The following ATP9B variants were observed in gnomAD, a reference collection of about 807,000 sequenced individuals.
The protein encoded by ATP9B is ATPase phospholipid transporting 9B, also known as probable phospholipid-transporting ATPase IIB.
In ATP9B, 110 loss-of-function variants were observed where a neutral mutation model predicts 146.1. The ratio of observed to expected loss-of-function variants is 0.75; its 90% confidence interval spans 0.65 to 0.88. The LOEUF (loss-of-function observed/expected upper bound fraction) is 0.88. Among genes scored for constraint, ATP9B ranks in the 40% least tolerant of loss-of-function variants. ATP9B has a pLI of 0.00. For missense variants in ATP9B, 1,499 were observed against 1,496.4 expected (o/e 1.00, Z -0.03); for synonymous variants, 604 against 569.7 (o/e 1.06, Z -0.86).
At chr18:79,071,190 A>G (rs2071726530) in intron 1 of ATP9B, among the ~76,000 whole-genome samples, 3 of 151,206 alleles carry the variant, frequency 2.0e-5, no homozygotes, top group Admixed American at 6.6e-5. Context: ...ACTTATCACC[A>G]TGGTGTATTG....
chr18:79,131,515 A>G (rs1472141728), intron 5 of ATP9B, among the ~76,000 whole-genome samples: 1 of 152,220 alleles, frequency 6.6e-6, no homozygotes, highest in Non-Finnish European at 1.5e-5. Flanking sequence ...TTTAAAATAT[A>G]GAATATCGAG....
intron 5 of ATP9B, among the ~76,000 whole-genome samples, chr18:79,134,775 A>G (rs1049022681): frequency 1.3e-5 from 2 of 152,208 alleles, no homozygotes; most frequent in African/African-American, 4.8e-5. Flanking sequence ...CATGTAGCAA[A>G]TGTTTTTACC....
rs2096874325 is a variant in ATP9B, at chr18:79,344,323, G to A, written c.2441G>A (p.Cys814Tyr). The A allele has an allele frequency of 6.2e-7, 1 of 1,614,234 alleles. No homozygotes were observed. Among genetic ancestry groups the A allele is most frequent in the Non-Finnish European group, 8.5e-7 (1 of 1,180,040 alleles). Residue 814 changes from cysteine to tyrosine, a missense_variant, in exon 21 of 30, where the codon TGT becomes TAT. Physicochemically the swap from Cys to Tyr is radical, Grantham distance 194 (BLOSUM62 -2). Transcript: ENST00000426216. Reference sequence around the variant, plus strand: ...AATGCATTTCGAAGGAAGCATGATTGTGCACTAGTCATATCTGGGGACTCT... The same window carrying A: ...AATGCATTTCGAAGGAAGCATGATTATGCACTAGTCATATCTGGGGACTCT... ...ELNAFRRKHD[C>Y]ALVISGDSLE...
At chr18:79,318,740 T>G (rs2096697170) in intron 15 of ATP9B, among the ~76,000 whole-genome samples, 4 of 152,234 alleles carry the variant, frequency 2.6e-5, no homozygotes, top group Admixed American at 2.6e-4. Context: ...ATGTTTTAAG[T>G]GCTTTGTCTT....
chr18:79,200,788 T>TGTCG (rs2095477239), intron 9 of ATP9B, among the ~76,000 whole-genome samples: 3 of 35,452 alleles, frequency 8.5e-5, no homozygotes, highest in Admixed American at 4.9e-4. Context: ...GAAGTAGTGG[T>TGTCG]GGAATTGTTT....
rs200608167 is a variant in ATP9B at position 79,337,441 on chromosome 18, G to A, written c.2275G>A (p.Gly759Arg). The A allele has an allele frequency of 2.7e-5, 43 of 1,610,438 alleles. 1 individual carries two copies. Among genetic ancestry groups the A allele is most frequent in the Middle Eastern group, 1.7e-4 (1 of 6,056 alleles). The part of the protein sequence containing the change: ...RPTLEMLRNA[G>R]IKIWMLTGDK... ...CACGCTGGAGATGCTGCGCAACGCC[G>A]GGATCAAGGTACTGCAGGCTCACCT... is the stretch of plus-strand genomic sequence containing the variant. Residue 759 changes from glycine to arginine, a missense_variant, in exon 19 of 30, where the codon GGG (glycine) becomes AGG (arginine). By Grantham distance (125) the Gly-to-Arg change is moderately radical. Transcript: ENST00000426216.
At chr18:79,070,552 G>A (rs1001575044) in intron 1 of ATP9B, among the ~76,000 whole-genome samples, 1 of 152,192 alleles carries the variant, frequency 6.6e-6, no homozygotes, top group Admixed American at 6.5e-5. Flanking sequence ...GTGGGTTCTG[G>A]TGTTACCTAT....
intron 5 of ATP9B, among the ~76,000 whole-genome samples, chr18:79,137,806 T>C (rs1248055265): frequency 6.6e-6 from 1 of 152,204 alleles, no homozygotes; most frequent in African/African-American, 2.4e-5. Context: ...CAGTCACAGA[T>C]GCCCACCTTT....
At chr18:79,351,992 T>G (rs1356203151) in intron 25 of ATP9B, among the ~76,000 whole-genome samples, 1 of 151,972 alleles carries the variant, frequency 6.6e-6, no homozygotes, top group Non-Finnish European at 1.5e-5. Flanking sequence ...GGGGAACCTC[T>G]GTAGGGTGCA....
At chr18:79,187,592 G>A (rs557937241) in intron 8 of ATP9B, among the ~76,000 whole-genome samples, 37 of 152,238 alleles carry the variant, frequency 2.4e-4, no homozygotes, top group African/African-American at 7.9e-4. Flanking sequence ...GGTCTCTGCC[G>A]AGCCATTTCT....
chr18:79,309,604 C>A (rs1359918864), intron 15 of ATP9B, among the ~76,000 whole-genome samples: 1 of 136,596 alleles, frequency 7.3e-6, no homozygotes, highest in Non-Finnish European at 1.6e-5. Context: ...GGTAGAAGGT[C>A]AGGGGCTGAG....
chr18:79,218,225 C>G (rs1464182343), intron 11 of ATP9B, among the ~76,000 whole-genome samples: 2 of 151,750 alleles, frequency 1.3e-5, no homozygotes, highest in East Asian at 3.9e-4. Context: ...TCCTCGTGTT[C>G]CATGTCCGGC....
chr18:79,135,931 C>A (rs1010425702), intron 5 of ATP9B, among the ~76,000 whole-genome samples: 5 of 152,096 alleles, frequency 3.3e-5, no homozygotes, highest in Non-Finnish European at 5.9e-5. Context: ...TTAAACTCTT[C>A]ATGTAAGTTT....
intron 6 of ATP9B, chr18:79,146,546 G>A (rs181376331): frequency 1.0e-5 from 2 of 190,856 alleles, no homozygotes; most frequent in African/African-American, 2.5e-5. Flanking sequence ...GACTGAAGGT[G>A]CAAGCTGCAT....
intron 18 of ATP9B, 137 bp from the exon 19 acceptor site, chr18:79,337,135 CTCTGTGG>C: frequency 1.7e-6 from 2 of 1,156,284 alleles, no homozygotes; most frequent in Non-Finnish European, 2.5e-6. Flanking sequence ...TGCAGTCCAG[CTCTGTGG>C]AGTACACACA....
In ATP9B at chr18:79,303,609, C is replaced by T; in HGVS notation, c.1417C>T (p.Leu473Phe). 6.2e-7 allele frequency: 1 copy of T among 1,613,720 alleles called. No individual in the cohort carries two copies. The highest frequency in any genetic ancestry group is 1.7e-4 in the Middle Eastern group (1 of 6,060). ...VYLLTDKTGT[L>F]TQNEMIFKRL... ...TGTTGTCCCCTTTATCCTAGGAACC[C>T]TCACCCAGAATGAAATGATATTTAA... Residue 473 changes from leucine to phenylalanine, a missense_variant, in exon 14 of 30, where the codon CTC becomes TTC. Physicochemically the swap from Leu to Phe is conservative, Grantham distance 22. Transcript: ENST00000426216.
At chr18:79,297,501 A>G (rs552613656) in intron 13 of ATP9B, among the ~76,000 whole-genome samples, 1 of 152,350 alleles carries the variant, frequency 6.6e-6, no homozygotes, top group East Asian at 1.9e-4. Flanking sequence ...CACATTTTAT[A>G]TATTGTGGGT....
At chr18:79,185,114 A>ATGGGGG (rs1352137072) in intron 8 of ATP9B, among the ~76,000 whole-genome samples, 2 of 152,296 alleles carry the variant, frequency 1.3e-5, no homozygotes, top group East Asian at 3.9e-4. Flanking sequence ...GCATGGGGGC[A>ATGGGGG]CGGGGATACT....
chr18:79,086,320 C>T (rs1331820761), intron 1 of ATP9B: 1 of 150,388 alleles, frequency 6.6e-6, no homozygotes, highest in Non-Finnish European at 1.5e-5. Context: ...CCTGTAATCC[C>T]AGCTACTCAG....
Sources: gnomAD v4.1 joint callset for allele counts (sites outside exome capture counted in the v4.1 genomes callset) on GRCh38, gnomAD v4.1.1 for gene constraint, MANE v1.5 for transcripts, NCBI Gene and HGNC (gene_info 2026-07-23, HGNC 2026-07-21) for gene names.